Variants in RBFOX1 observed in about 807,000 individuals in gnomAD.
RBFOX1 encodes the protein RNA binding fox-1 homolog 1.
A neutral mutation model predicts 57.7 loss-of-function variants in RBFOX1; 8 were observed. The ratio of observed to expected loss-of-function variants is 0.14; its 90% confidence interval spans 0.08 to 0.25. The LOEUF is 0.25. Among genes scored for constraint, RBFOX1 ranks in the 10% least tolerant of loss-of-function variants. RBFOX1 has a pLI of 1.00. For synonymous variants in RBFOX1, 326 were observed against 222.4 expected (o/e 1.47, Z -4.15); for missense variants, 611 against 548.5 (o/e 1.11, Z -1.14).
intron 10 of RBFOX1, among the ~76,000 whole-genome samples, chr16:7,627,180 T>C (rs1196056235): frequency 7.2e-6 from 1 of 138,760 alleles, no homozygotes; most frequent in African/African-American, 2.9e-5. Flanking sequence ...CATTCAATTC[T>C]ATTTGACAAA....
chr16:7,599,033 G>C (rs189595419), intron 9 of RBFOX1, among the ~76,000 whole-genome samples: 17 of 152,324 alleles, frequency 1.1e-4, no homozygotes, highest in Admixed American at 1.0e-3. Context: ...AGGGCTCTAA[G>C]TTGAAAGACC....
At chr16:5,432,298 G>T (rs2067763162) in intron 1 of RBFOX1, among the ~76,000 whole-genome samples, 1 of 149,718 alleles carries the variant, frequency 6.7e-6, no homozygotes, top group Non-Finnish European at 1.5e-5. Context: ...GGAAAAGGCA[G>T]GCCTCGCCGC....
At chr16:6,941,710 CAGAG>C (rs369173015) in intron 3 of RBFOX1, among the ~76,000 whole-genome samples, 27 of 152,194 alleles carry the variant, frequency 1.8e-4, no homozygotes, top group Non-Finnish European at 2.6e-4. Context: ...GGTGGATAGA[CAGAG>C]AGAGATTGGA....
intron 3 of RBFOX1, among the ~76,000 whole-genome samples, chr16:6,712,502 A>C (rs913034576): frequency 5.3e-5 from 8 of 152,004 alleles, no homozygotes; most frequent in Middle Eastern, 3.2e-3. Flanking sequence ...TTTCCATCTC[A>C]GTGGATGGTA....
intron 1 of RBFOX1, among the ~76,000 whole-genome samples, chr16:5,328,197 G>T (rs991706677): frequency 1.3e-5 from 2 of 152,230 alleles, no homozygotes; most frequent in African/African-American, 4.8e-5. Context: ...TGACTTACTT[G>T]GAGATGGAAC....
Position 6,176,590 on chromosome 16 carries a change from CTGGTGT to C in RBFOX1, c.-126-140404_-126-140399del. Among the ~76,000 whole-genome samples, 3 of 152,148 alleles carry C rather than the reference CTGGTGT, an allele frequency of 2.0e-5. 1 individual carries two copies. In the East Asian group the frequency reaches 5.8e-4, roughly 29 times the overall value. ...GATACCATGTTTGCATCCCAAAAGA[CTGGTGT>C]CTAACACATGGTAAGGGTGCAGTAA... On this transcript the variant is annotated intron_variant, in intron 1 of 15. Coordinates refer to ENST00000550418, the MANE Select transcript of RBFOX1 (RefSeq NM_018723.4).
At chr16:7,600,336 G>A (rs2094945238) in intron 9 of RBFOX1, among the ~76,000 whole-genome samples, 1 of 152,142 alleles carries the variant, frequency 6.6e-6, no homozygotes, top group African/African-American at 2.4e-5. Flanking sequence ...TGGAGATTAT[G>A]GAGAACTTTG....
In RBFOX1 at chr16:6,061,249, G is replaced by T. The variant is rs1408420876; in HGVS notation, c.-127+41257G>T. 4.6e-5 allele frequency among the ~76,000 whole-genome samples: 7 copies of T among 152,264 alleles called. No individual in the cohort carries two copies. The East Asian group carries it at 1.4e-3, about 29-fold the overall frequency. ...TTGATTAATAGATCTAGAAAGTAGT[G>T]TGCGAAGTTACCAAACATATATGCC... On this transcript the variant is annotated intron_variant, in intron 1 of 15. Coordinates refer to ENST00000550418, the MANE Select transcript of RBFOX1 (RefSeq NM_018723.4).
chr16:6,838,748 C>A (rs766152745), intron 3 of RBFOX1, among the ~76,000 whole-genome samples: 5 of 152,160 alleles, frequency 3.3e-5, no homozygotes, highest in Non-Finnish European at 7.3e-5. Flanking sequence ...TGCTTAGCAT[C>A]CTCCAGGGGT....
intron 3 of RBFOX1, among the ~76,000 whole-genome samples, chr16:6,932,685 A>G (rs531269905): frequency 7.9e-5 from 12 of 152,276 alleles, no homozygotes; most frequent in African/African-American, 2.9e-4. Flanking sequence ...GCTCAAACAC[A>G]TGTCTCTACT....
chr16:7,466,396 C>G (rs182535067), intron 4 of RBFOX1, among the ~76,000 whole-genome samples: 35 of 152,320 alleles, frequency 2.3e-4, no homozygotes, highest in African/African-American at 7.9e-4. Context: ...ATTCATACCA[C>G]TTCCCAGTGA....
intron 4 of RBFOX1, among the ~76,000 whole-genome samples, chr16:5,940,736 T>C (rs2059261861): frequency 6.6e-6 from 1 of 151,988 alleles, no homozygotes; most frequent in African/African-American, 2.4e-5. Context: ...ATCATTCAAG[T>C]GGAGGGGAGG....
intron 4 of RBFOX1, among the ~76,000 whole-genome samples, chr16:7,312,757 A>T (rs2096345778): frequency 6.6e-6 from 1 of 152,196 alleles, no homozygotes; most frequent in Non-Finnish European, 1.5e-5. Flanking sequence ...ATCACACTGC[A>T]GGGCCTTCAT....
chr16:6,031,657 G>C (rs752518016), intron 1 of RBFOX1, among the ~76,000 whole-genome samples: 15 of 152,166 alleles, frequency 9.9e-5, no homozygotes, highest in Non-Finnish European at 2.1e-4. Flanking sequence ...GCATGTATGT[G>C]GCATGCGCAT....
intron 4 of RBFOX1, among the ~76,000 whole-genome samples, chr16:5,931,478 G>C (rs2059055268): frequency 3.3e-5 from 5 of 152,160 alleles, no homozygotes; most frequent in Admixed American, 3.3e-4. Flanking sequence ...GAGAAGGAGA[G>C]TGGTTTCCAG....
chr16:6,904,051 G>T (rs954613861), intron 3 of RBFOX1, among the ~76,000 whole-genome samples: 1 of 152,114 alleles, frequency 6.6e-6, no homozygotes. Context: ...ACAGAGATAA[G>T]CTACCCCCAT....
rs73527728 is a variant in RBFOX1, at chr16:6,647,305, G to A, written c.-63-7298G>A. 5.3e-3 allele frequency among the ~76,000 whole-genome samples: 808 copies of A among 152,220 alleles called. 5 individuals are homozygous for A. The highest frequency in any genetic ancestry group is 0.018 in the African/African-American group (760 of 41,548). ...GTTGCCCAGGCTCTAGTGCAGTGAC[G>A]TGATCTCAGGGCTCGCTGCAACTTC... On this transcript the variant is annotated intron_variant, in intron 2 of 15. Coordinates refer to ENST00000550418, the MANE Select transcript of RBFOX1 (RefSeq NM_018723.4).
chr16:6,301,936 G>A (rs1161552374), intron 1 of RBFOX1, among the ~76,000 whole-genome samples: 2 of 152,152 alleles, frequency 1.3e-5, no homozygotes, highest in Non-Finnish European at 2.9e-5. Flanking sequence ...AACATCCTGA[G>A]GTTCCAAGGG....
chr16:6,153,038 T>G (rs541506837), intron 1 of RBFOX1, among the ~76,000 whole-genome samples: 9 of 151,214 alleles, frequency 6.0e-5, no homozygotes, highest in South Asian at 2.1e-4. Flanking sequence ...TTTCTGTTTT[T>G]TTTTTTTTTT....
Sources: allele counts gnomAD v4.1 joint callset (sites outside exome capture counted in the v4.1 genomes callset), GRCh38; gene constraint gnomAD v4.1.1; transcripts MANE v1.5; gene names NCBI Gene and HGNC (gene_info 2026-07-23, HGNC 2026-07-21).